Variants in ADAMTS18 observed in about 807,000 individuals in gnomAD.
ADAMTS18 encodes A disintegrin and metalloproteinase with thrombospondin motifs 18.
A neutral mutation model predicts 165.9 loss-of-function variants in ADAMTS18; 157 were observed. The observed-to-expected ratio is 0.95, with a 90% CI of 0.83 to 1.08. The LOEUF is 1.08. ADAMTS18 is among the 50% of genes least tolerant of loss of function. The pLI, the probability that ADAMTS18 is intolerant of heterozygous loss-of-function variation, is 0.00. For missense variants in ADAMTS18, 2,040 were observed against 1,534.0 expected (o/e 1.33, Z -5.51); for synonymous variants, 782 against 578.2 (o/e 1.35, Z -5.06).
chr16:77,315,512 C>G (rs976806383), intron 16 of ADAMTS18, among the ~76,000 whole-genome samples: 4 of 152,156 alleles, frequency 2.6e-5, no homozygotes, highest in Admixed American at 1.3e-4. Context: ...TGTGCAGGTG[C>G]AGGGCAAAAA....
intron 3 of ADAMTS18, among the ~76,000 whole-genome samples, chr16:77,401,424 T>C (rs1206028853): frequency 6.6e-6 from 1 of 152,248 alleles, no homozygotes; most frequent in Non-Finnish European, 1.5e-5. Context: ...ATGATATTAC[T>C]GATTCCATTT....
At chr16:77,393,049 G>T (rs2057210474) in intron 3 of ADAMTS18, among the ~76,000 whole-genome samples, 1 of 152,198 alleles carries the variant, frequency 6.6e-6, no homozygotes, top group Admixed American at 6.5e-5. Flanking sequence ...TAATGCGCTG[G>T]TCATGATTTC....
intron 18 of ADAMTS18, among the ~76,000 whole-genome samples, chr16:77,296,190 G>C (rs1220768596): frequency 1.3e-5 from 2 of 152,066 alleles, no homozygotes; most frequent in African/African-American, 4.8e-5. Flanking sequence ...TTTGGCAGAA[G>C]ATAAATCACA....
chr16:77,343,772 G>C lies in ADAMTS18; in HGVS notation c.1615-1973C>G, dbSNP rs78655761. On this transcript the variant is annotated intron_variant, in intron 10 of 22. Coordinates refer to ENST00000282849, the MANE Select transcript of ADAMTS18 (RefSeq NM_199355.4). The stretch of plus-strand genomic sequence containing the variant: ...ACTTTCCGTTCTAACAGTTAAAGTT[G>C]ATATTTACAATTATAGCACTAATGG... Among the ~76,000 whole-genome samples the C allele has an allele frequency of 5.3e-5, 8 of 152,256 alleles. No individual in the cohort carries two copies. The East Asian group carries it at 1.5e-3, about 29-fold the overall frequency.
chr16:77,376,279 G>T (rs1382356885), intron 3 of ADAMTS18, among the ~76,000 whole-genome samples: 1 of 152,154 alleles, frequency 6.6e-6, no homozygotes, highest in African/African-American at 2.4e-5. Flanking sequence ...TAAACAACCA[G>T]ATCTCATGCA....
At chr16:77,312,410 G>T (rs1018016036) in intron 16 of ADAMTS18, among the ~76,000 whole-genome samples, 2 of 151,916 alleles carry the variant, frequency 1.3e-5, no homozygotes, top group East Asian at 3.9e-4. Context: ...GCTAATTTTT[G>T]TATTTTTAAT....
chr16:77,363,214 G>T (rs8057114), intron 6 of ADAMTS18, among the ~76,000 whole-genome samples: 11,773 of 152,126 alleles, frequency 0.077, 1,127 homozygotes, highest in African/African-American at 0.22. Context: ...ACATGTTCTG[G>T]TTTTCATAAT....
intron 8 of ADAMTS18, among the ~76,000 whole-genome samples, chr16:77,357,581 G>C (rs371554061): frequency 6.6e-6 from 1 of 152,146 alleles, no homozygotes; most frequent in Non-Finnish European, 1.5e-5. Context: ...ACAGAGATGG[G>C]GTAGGAGAGA....
At chr16:77,393,179 T>G (rs2057212495) in intron 3 of ADAMTS18, among the ~76,000 whole-genome samples, 1 of 152,174 alleles carries the variant, frequency 6.6e-6, no homozygotes, top group African/African-American at 2.4e-5. Context: ...GAACATGACT[T>G]GTTCAATGTC....
At position 77,304,755 on chromosome 16, in the gene ADAMTS18, G is replaced by A. The variant is rs189180763; in HGVS notation, c.2533-4351C>T. Among the ~76,000 whole-genome samples, 262 of 152,322 alleles carry A rather than the reference G, an allele frequency of 1.7e-3. 2 individuals carry two copies. Among genetic ancestry groups the A allele is most frequent in the Non-Finnish European group, 1.5e-3 (99 of 68,034 alleles). ...ATTTGCTGTACATGTTCTTAGGAAC[G>A]TGCAGCTTTAAATTAACTCATAAAA... On this transcript the variant is annotated intron_variant, in intron 16 of 22. Coordinates refer to ENST00000282849, the MANE Select transcript of ADAMTS18 (RefSeq NM_199355.4).
rs1448265045 is a variant in ADAMTS18 at position 77,409,269 on chromosome 16, T to A, written c.495+22026A>T. Among the ~76,000 whole-genome samples, 3 of 152,138 alleles carry A rather than the reference T, an allele frequency of 2.0e-5. No individual in the cohort carries two copies. In the East Asian group the frequency reaches 5.8e-4, roughly 29 times the overall value. On this transcript the variant is annotated intron_variant, in intron 3 of 22. Transcript: ENST00000282849. ...ATTCTTCAAAGGAGAGAAAGCGGTA[T>A]GTAGGATTGCAGAAGCACCTTGCAA... is the stretch of plus-strand genomic sequence containing the variant.
rs200818708 is a variant in ADAMTS18, at chr16:77,322,325, C to T, written c.2163+11G>A. 2.8e-3 allele frequency: 4,570 copies of T among 1,613,836 alleles called. 19 individuals carry two copies. Among genetic ancestry groups the T allele is most frequent in the Non-Finnish European group, 3.5e-3 (4,168 of 1,179,864 alleles). On this transcript the variant is annotated intron_variant, in intron 14 of 22. Transcript: ENST00000282849. ...ATGCTCATACACTCCAAAGCAGAAA[C>T]GTTCTCTTACTTCACAAACCCCGTC...
In ADAMTS18 at chr16:77,411,344, C is replaced by T. The variant is rs915148614; in HGVS notation, c.495+19951G>A. Among the ~76,000 whole-genome samples the T allele has an allele frequency of 3.3e-5, 5 of 152,310 alleles. No individual in the cohort carries two copies. The East Asian group carries it at 5.8e-4, about 18-fold the overall frequency. On this transcript the variant is annotated intron_variant, in intron 3 of 22. Coordinates refer to ENST00000282849, the MANE Select transcript of ADAMTS18 (RefSeq NM_199355.4). ...CATGCTGGAGTCAGTCTCATGCCAA[C>T]GCCTTTTTGCAGGACCACTAGGGCC...
intron 10 of ADAMTS18, among the ~76,000 whole-genome samples, chr16:77,342,653 A>G (rs1023679954): frequency 6.6e-6 from 1 of 152,228 alleles, no homozygotes; most frequent in Non-Finnish European, 1.5e-5. Context: ...AACCAGGCCT[A>G]TGAAATAATT....
chr16:77,317,195 T>C (rs148746168), intron 16 of ADAMTS18, among the ~76,000 whole-genome samples: 187 of 152,340 alleles, frequency 1.2e-3, no homozygotes, highest in African/African-American at 4.1e-3. Context: ...TGTGTAGTGC[T>C]GTACTGTACC....
Position 77,300,420 on chromosome 16 carries a change from T to G in ADAMTS18, c.2533-16A>C. ...GCATCAGAATCTGGACAGTGTAAGA[T>G]AAAAATCAGAGATCAAGATACAGGT... On this transcript the variant is annotated splice_polypyrimidine_tract_variant and intron_variant, in intron 16 of 22. Transcript: ENST00000282849. The G allele has an allele frequency of 6.2e-7, 1 of 1,613,904 alleles. No homozygotes were observed. The highest frequency in any genetic ancestry group is 2.2e-5 in the East Asian group (1 of 44,864).
Position 77,300,398 on chromosome 16 carries a change from T to A in ADAMTS18, c.2539A>T (p.Met847Leu). 6.2e-7 allele frequency: 1 copy of A among 1,614,038 alleles called. No homozygotes were observed. The highest frequency in any genetic ancestry group is 8.5e-7 in the Non-Finnish European group (1 of 1,179,964). The change falls in exon 17 of 23, where the codon ATG becomes TTG. Residue 847 changes from methionine to leucine, a missense_variant. Transcript: ENST00000282849. ...GCTATCCCTGGATTTTTGCCTTGCA[T>A]CAGAATCTGGACAGTGTAAGATAAA... ...TNETLVFEIL[M>L]QGKNPGIAWK...
In ADAMTS18 at chr16:77,434,386, G is replaced by A. The variant is rs183096578; in HGVS notation, c.178+32C>T. The A allele has an allele frequency of 5.0e-5, 77 of 1,550,810 alleles. No individual in the cohort carries two copies. The African/African-American group carries it at 1.0e-3, about 20-fold the overall frequency. On this transcript the variant is annotated intron_variant, in intron 2 of 22. Coordinates refer to ENST00000282849, the MANE Select transcript of ADAMTS18 (RefSeq NM_199355.4). ...AGGAAGGGTCAAAGTGCTGCGAAAGGCCCTTCTTGGGGATGGGGGGCAAAT... is the reference window on the plus strand; with the variant it reads ...AGGAAGGGTCAAAGTGCTGCGAAAGACCCTTCTTGGGGATGGGGGGCAAAT...
intron 10 of ADAMTS18, among the ~76,000 whole-genome samples, chr16:77,348,476 A>C (rs1427018591): frequency 6.6e-6 from 1 of 152,220 alleles, no homozygotes; most frequent in Admixed American, 6.5e-5. Flanking sequence ...GACAGGCAGC[A>C]CAAGAGAGAA....
Sources: allele counts gnomAD v4.1 joint callset (sites outside exome capture counted in the v4.1 genomes callset), GRCh38; gene constraint gnomAD v4.1.1; transcripts MANE v1.5; gene names NCBI Gene and HGNC (gene_info 2026-07-23, HGNC 2026-07-21).